The following OMA1 variants were observed in gnomAD, a reference collection of about 807,000 sequenced individuals.
OMA1 encodes metalloendopeptidase OMA1, mitochondrial.
A neutral mutation model predicts 30.9 loss-of-function variants in OMA1; 38 were observed. The observed-to-expected ratio is 1.23, with a 90% CI of 0.95 to 1.61. The LOEUF (loss-of-function observed/expected upper bound fraction) is 1.61. Among genes scored for constraint, OMA1 ranks in the 40% most tolerant of loss-of-function variants. The pLI, the probability that OMA1 is intolerant of heterozygous loss-of-function variation, is 0.00. For synonymous variants in OMA1, 173 were observed against 121.9 expected (o/e 1.42, Z -2.76); for missense variants, 461 against 349.2 (o/e 1.32, Z -2.55).
chr1:58,489,220 T>C (rs1645631496), intron 8 of OMA1, among the ~76,000 whole-genome samples: 1 of 152,180 alleles, frequency 6.6e-6, no homozygotes, highest in Non-Finnish European at 1.5e-5. Context: ...AGACGGCACC[T>C]GGAAAATTGG....
chr1:58,518,291 A>AGGGG (rs1646200783), intron 7 of OMA1, among the ~76,000 whole-genome samples: 1 of 27,366 alleles, frequency 3.7e-5, no homozygotes, highest in Admixed American at 2.8e-4. Context: ...AAGAGAAGAG[A>AGGGG]AGAGAAGAGA....
At chr1:58,525,664 G>A (rs1438035108) in intron 7 of OMA1, among the ~76,000 whole-genome samples, 10 of 152,046 alleles carry the variant, frequency 6.6e-5, no homozygotes, top group Admixed American at 6.5e-4. Context: ...TAAATGCAAT[G>A]CAATTCCAAT....
chr1:58,535,282 A>G (rs1369665045), intron 3 of OMA1, among the ~76,000 whole-genome samples: 1 of 152,226 alleles, frequency 6.6e-6, no homozygotes, highest in Non-Finnish European at 1.5e-5. Context: ...TTTAACTTTC[A>G]TAAAGTGTAT....
chr1:58,490,056 C>A (rs1645651384), intron 8 of OMA1, among the ~76,000 whole-genome samples: 1 of 152,234 alleles, frequency 6.6e-6, no homozygotes, highest in Non-Finnish European at 1.5e-5. Context: ...CAAAGGAACA[C>A]AGCTCGTCAC....
intron 7 of OMA1, among the ~76,000 whole-genome samples, chr1:58,521,785 G>A (rs1215233988): frequency 6.6e-6 from 1 of 152,052 alleles, no homozygotes. Flanking sequence ...AACTCATGAA[G>A]AAATCTTCAG....
At chr1:58,490,960 C>G (rs1645675069) in intron 8 of OMA1, among the ~76,000 whole-genome samples, 1 of 151,648 alleles carries the variant, frequency 6.6e-6, no homozygotes, top group Non-Finnish European at 1.5e-5. Flanking sequence ...CACCCGCTAC[C>G]AAGCCCGGCT....
At position 58,488,730 on chromosome 1, in the gene OMA1, G is replaced by A. The variant is rs185530827; in HGVS notation, c.1366-7556C>T. 5.2e-4 allele frequency among the ~76,000 whole-genome samples: 79 copies of A among 152,266 alleles called. No individual in the cohort carries two copies. The East Asian group carries it at 8.1e-3, about 16-fold the overall frequency. The stretch of plus-strand genomic sequence containing the variant: ...CTCCAAAAGTGCTGGGATTACAGGC[G>A]TGAGCCACCACGCCCAGCCCCAGTG... On this transcript the variant is annotated intron_variant, in intron 8 of 8. Coordinates refer to ENST00000371226, the MANE Select transcript of OMA1 (RefSeq NM_145243.5).
At chr1:58,485,975 G>C (rs188557604) in intron 8 of OMA1, among the ~76,000 whole-genome samples, 2 of 152,300 alleles carry the variant, frequency 1.3e-5, no homozygotes, top group East Asian at 3.9e-4. Context: ...AGAATCCTGA[G>C]GAAGATTTGA....
chr1:58,495,774 C>A (rs1015400196), intron 8 of OMA1, among the ~76,000 whole-genome samples: 2 of 151,146 alleles, frequency 1.3e-5, no homozygotes, highest in African/African-American at 4.9e-5. Context: ...TGTTTTGTTT[C>A]TTTCCTCCAA....
At chr1:58,530,169 C>T (rs184040738) in intron 6 of OMA1, among the ~76,000 whole-genome samples, 5 of 152,326 alleles carry the variant, frequency 3.3e-5, no homozygotes, top group East Asian at 1.9e-4. Context: ...GCATGAGCCA[C>T]GGCGCCCGGC....
At chr1:58,494,515 C>T (rs1469895265) in intron 8 of OMA1, among the ~76,000 whole-genome samples, 1 of 152,144 alleles carries the variant, frequency 6.6e-6, no homozygotes, top group Non-Finnish European at 1.5e-5. Context: ...TTGCAATCTA[C>T]TCAACTGACA....
intron 8 of OMA1, among the ~76,000 whole-genome samples, chr1:58,494,439 G>T (rs1018026348): frequency 6.6e-6 from 1 of 152,122 alleles, no homozygotes; most frequent in African/African-American, 2.4e-5. Flanking sequence ...AAACTAAAGA[G>T]CTTCTGCACA....
intron 8 of OMA1, among the ~76,000 whole-genome samples, chr1:58,499,314 C>CAAAAA (rs58217798): frequency 2.4e-4 from 17 of 69,648 alleles, no homozygotes; most frequent in South Asian, 5.8e-4. Context: ...CACATCTCTA[C>CAAAAA]AAAAAAAAAA....
At chr1:58,489,180 T>A (rs988721344) in intron 8 of OMA1, among the ~76,000 whole-genome samples, 1 of 152,140 alleles carries the variant, frequency 6.6e-6, no homozygotes, top group East Asian at 1.9e-4. Context: ...GGTCAGGGAA[T>A]TCCCTTTCCT....
chr1:58,536,853 G>A (rs6587829), intron 2 of OMA1, 112 bp from the exon 3 acceptor site: 78,824 of 661,358 alleles, frequency 0.12, 5,024 homozygotes, highest in African/African-American at 0.19. Flanking sequence ...TTTGTATGAT[G>A]TATTTCGCTG....
intron 8 of OMA1, among the ~76,000 whole-genome samples, chr1:58,495,564 A>G (rs1478295068): frequency 1.4e-5 from 2 of 141,356 alleles, no homozygotes; most frequent in African/African-American, 4.9e-5. Context: ...GCTAGTTACA[A>G]TTATATTTAA....
chr1:58,487,623 T>C (rs1645597747), intron 8 of OMA1, among the ~76,000 whole-genome samples: 1 of 152,222 alleles, frequency 6.6e-6, no homozygotes, highest in African/African-American at 2.4e-5. Flanking sequence ...TGCTAATTTA[T>C]TATGACTCTA....
chr1:58,504,699 T>C (rs1361853658), intron 8 of OMA1, among the ~76,000 whole-genome samples: 7 of 152,332 alleles, frequency 4.6e-5, no homozygotes, highest in Middle Eastern at 3.4e-3. Flanking sequence ...ACCTAATGAA[T>C]GAATAAATCT....
chr1:58,535,910 T>C (rs552462705), intron 3 of OMA1, among the ~76,000 whole-genome samples: 3 of 152,270 alleles, frequency 2.0e-5, no homozygotes, highest in East Asian at 3.9e-4. Context: ...GGTATAAGAA[T>C]TCTGACTATA....
Sources: allele counts gnomAD v4.1 joint callset (sites outside exome capture counted in the v4.1 genomes callset), GRCh38; gene constraint gnomAD v4.1.1; transcripts MANE v1.5; gene names NCBI Gene and HGNC (gene_info 2026-07-23, HGNC 2026-07-21).